ABCA1: variants seen among roughly 807,000 people sequenced by gnomAD.
The protein encoded by ABCA1 is ATP binding cassette subfamily A member 1.
Under a neutral mutation model 262.5 loss-of-function variants are expected in ABCA1, and 133 were observed. The ratio of observed to expected loss-of-function variants is 0.51; its 90% CI spans 0.44 to 0.59. The LOEUF is 0.59. Among genes scored for constraint, ABCA1 ranks in the 20% least tolerant of loss-of-function variants. ABCA1 has a pLI of 0.00. For missense variants in ABCA1, 2,452 were observed against 2,777.5 expected (o/e 0.88, Z 2.63); for synonymous variants, 1,022 against 1,043.5 (o/e 0.98, Z 0.40).
intron 7 of ABCA1, chr9:104,855,620 G>A: frequency 7.0e-7 from 1 of 1,426,744 alleles, no homozygotes. Flanking sequence ...CCCACACCAG[G>A]CTCTTCATAT....
chr9:104,888,425 TGATA>T (rs1839407381), intron 3 of ABCA1, among the ~76,000 whole-genome samples: 1 of 152,210 alleles, frequency 6.6e-6, no homozygotes, highest in African/African-American at 2.4e-5. Flanking sequence ...GATTGTAAGA[TGATA>T]CACTGACAAT....
rs201642049 is a variant in ABCA1 at position 104,826,950 on chromosome 9, C to A, written c.2335G>T (p.Ala779Ser). The A allele has an allele frequency of 1.9e-6, 3 of 1,613,448 alleles. No homozygotes were observed. Among genetic ancestry groups the A allele is most frequent in the South Asian group, 2.2e-5 (2 of 91,060 alleles). ...DYVGFTLKIF[A>S]SLLSPVAFGF... ...GAAGAAAGGCCAGAGGTACTCACAG[C>A]GAAGATCTTGAGTGTGAAGCCCACG... The change falls in exon 16 of 50, where the codon GCT (alanine) becomes TCT (serine). Residue 779 changes from alanine to serine, a missense_variant and splice_region_variant. By Grantham distance (99) the Ala-to-Ser change is moderately conservative. This residue lies in a region of ABCA1 where 1,032 missense variants were observed against 1,089.7 expected (regional missense o/e 0.95). Transcript: ENST00000374736.
At position 104,793,229 on chromosome 9, in the gene ABCA1, C is replaced by T; in HGVS notation, c.5578G>A (p.Gly1860Arg). 1.2e-6 allele frequency: 2 copies of T among 1,614,098 alleles called. No individual in the cohort carries two copies. Among genetic ancestry groups the T allele is most frequent in the Non-Finnish European group, 1.7e-6 (2 of 1,180,014 alleles). The change falls in exon 41 of 50, where the codon GGG becomes AGG. Residue 1860 changes from glycine to arginine, a missense_variant. Coordinates refer to ENST00000374736, the MANE Select transcript of ABCA1 (RefSeq NM_005502.4). ...ACAGTAATGAGGAAGAACACCACCC[C>T]TTCCACGGCCATGGCGAAGAGGTTT... ...GRNLFAMAVE[G>R]VVFFLITVLI...
At chr9:104,920,731 C>T (rs1266788478) in intron 1 of ABCA1, among the ~76,000 whole-genome samples, 1 of 152,084 alleles carries the variant, frequency 6.6e-6, no homozygotes, top group Non-Finnish European at 1.5e-5. Flanking sequence ...AGGCTGGTCT[C>T]GAACTCCTGA....
chr9:104,926,470 C>CAAAAAA (rs781060719), intron 1 of ABCA1, among the ~76,000 whole-genome samples: 1 of 118,778 alleles, frequency 8.4e-6, no homozygotes, highest in Non-Finnish European at 1.8e-5. Flanking sequence ...ACCAAAAAAA[C>CAAAAAA]AAAAAAAAAA....
At chr9:104,855,875 T>C (rs375780126) in intron 7 of ABCA1, 2 of 1,612,672 alleles carry the variant, frequency 1.2e-6, no homozygotes, top group Non-Finnish European at 1.7e-6. Context: ...ACAATACCCT[T>C]GGCTGGAAAC....
chr9:104,799,076 C>T (rs987932708), intron 36 of ABCA1, among the ~76,000 whole-genome samples: 1 of 152,114 alleles, frequency 6.6e-6, no homozygotes, highest in Admixed American at 6.6e-5. Flanking sequence ...CTAACACATA[C>T]AAAAATTCTG....
chr9:104,879,617 T>C (rs902527062), intron 5 of ABCA1, among the ~76,000 whole-genome samples: 1 of 152,086 alleles, frequency 6.6e-6, no homozygotes, highest in Non-Finnish European at 1.5e-5. Context: ...AAGCCAACAA[T>C]ACAACAAAGA....
At chr9:104,876,029 C>T (rs1055670837) in intron 5 of ABCA1, among the ~76,000 whole-genome samples, 1 of 152,210 alleles carries the variant, frequency 6.6e-6, no homozygotes, top group South Asian at 2.1e-4. Flanking sequence ...GGGCAAGACA[C>T]CTGCAGAGCT....
intron 5 of ABCA1, among the ~76,000 whole-genome samples, chr9:104,862,661 G>C (rs1313732725): frequency 0.26 from 643 of 2,478 alleles, 137 homozygotes; most frequent in Middle Eastern, 0.5. Flanking sequence ...GGCCGGGCCG[G>C]GCCGGGCCGG....
chr9:104,893,575 A>G (rs935391744), intron 2 of ABCA1, among the ~76,000 whole-genome samples: 1 of 152,166 alleles, frequency 6.6e-6, no homozygotes, highest in Non-Finnish European at 1.5e-5. Flanking sequence ...GATAAATAGT[A>G]GCTACTGTTT....
At chr9:104,880,482 C>G (rs2472517) in intron 5 of ABCA1, among the ~76,000 whole-genome samples, 7 of 150,554 alleles carry the variant, frequency 4.6e-5, no homozygotes, top group Admixed American at 4.0e-4. Flanking sequence ...GCACTCTAGC[C>G]TGGGTAACAG....
At chr9:104,858,721 G>A in intron 6 of ABCA1, 23 bp from the exon 7 acceptor site, 1 of 1,613,594 alleles carries the variant, frequency 6.2e-7, no homozygotes, top group Non-Finnish European at 8.5e-7. Flanking sequence ...CATGCAAAGA[G>A]AGACAAGCAC....
chr9:104,835,818 G>A (rs753557408), intron 11 of ABCA1, among the ~76,000 whole-genome samples: 3 of 152,164 alleles, frequency 2.0e-5, no homozygotes, highest in Non-Finnish European at 4.4e-5. Flanking sequence ...ATGAAGAATT[G>A]AAGCACCTAA....
intron 3 of ABCA1, 63 bp from the exon 4 acceptor site, chr9:104,884,631 G>C: frequency 6.3e-7 from 1 of 1,591,858 alleles, no homozygotes; most frequent in East Asian, 2.2e-5. Flanking sequence ...GCGATTTTGA[G>C]GCTCCATTTA....
At position 104,809,450 on chromosome 9, in the gene ABCA1, C is replaced by T. The variant is rs1395258038; in HGVS notation, c.4274+16G>A. ...ACAAGCACAAGAAGCCTGCTTATGG[C>T]TAAAGTGGCACTCACGGGATTGGGT... is the stretch of plus-strand genomic sequence containing the variant. On this transcript the variant is annotated intron_variant, in intron 30 of 49. Coordinates refer to ENST00000374736, the MANE Select transcript of ABCA1 (RefSeq NM_005502.4). 9 of 1,613,302 alleles carry T rather than the reference C, an allele frequency of 5.6e-6. No individual in the cohort carries two copies. In the South Asian group the frequency reaches 9.9e-5, roughly 18 times the overall value.
intron 1 of ABCA1, among the ~76,000 whole-genome samples, chr9:104,923,242 C>T (rs1346267795): frequency 6.6e-6 from 1 of 152,186 alleles, no homozygotes; most frequent in Non-Finnish European, 1.5e-5. Context: ...GTTCACTTCT[C>T]TTTTTCCTTT....
chr9:104,824,460 C>T lies in ABCA1; in HGVS notation c.2656+5G>A, dbSNP rs1481711903. On this transcript the variant is annotated splice_donor_5th_base_variant and intron_variant, in intron 18 of 49. Transcript: ENST00000374736. ...AAGAAAGAGCAGGAGGTCAACAGCACTTACTTTCTGATATTCTCTTCTGGT... is the reference window on the plus strand; with the variant it reads ...AAGAAAGAGCAGGAGGTCAACAGCATTTACTTTCTGATATTCTCTTCTGGT... The T allele has an allele frequency of 6.2e-7, 1 of 1,614,014 alleles. No individual in the cohort carries two copies. Among genetic ancestry groups the T allele is most frequent in the Non-Finnish European group, 8.5e-7 (1 of 1,180,018 alleles).
At chr9:104,830,847 G>T in intron 14 of ABCA1, 78 bp downstream of exon 14, 3 of 1,496,184 alleles carry the variant, frequency 2.0e-6, no homozygotes, top group African/African-American at 1.4e-5. Context: ...ACACATGCAT[G>T]CACATGCACA....
Sources: allele counts gnomAD v4.1 joint callset (sites outside exome capture counted in the v4.1 genomes callset), GRCh38; gene constraint gnomAD v4.1.1; regional missense constraint gnomAD v4.1.1; transcripts MANE v1.5; gene names NCBI Gene and HGNC (gene_info 2026-07-23, HGNC 2026-07-21).